The following MMGT1 variants were observed in gnomAD, a reference collection of about 807,000 sequenced individuals.
MMGT1 encodes membrane magnesium transporter 1, also known as ER membrane protein complex subunit 5.
MMGT1 carries 2 observed loss-of-function variants against 11.7 expected under a neutral mutation model. That is an observed-to-expected ratio of 0.17 (90% CI 0.07 to 0.54). MMGT1 has a LOEUF of 0.54. Among genes scored for constraint, MMGT1 ranks in the 20% least tolerant of loss-of-function variants. The pLI is 0.94. For missense variants in MMGT1, 74 were observed against 109.0 expected, an observed-to-expected ratio of 0.68 and a Z score of 1.43; for synonymous variants, 49 against 44.4, an observed-to-expected ratio of 1.10 and a Z score of -0.41.
chrX:135,965,119 A>G lies in MMGT1; in HGVS notation c.301T>C (p.Phe101Leu). 1.7e-5 allele frequency: 20 copies of G among 1,207,936 alleles called. No individual in the cohort carries two copies. Among genetic ancestry groups the G allele is most frequent in the Non-Finnish European group, 1.9e-5 (17 of 891,976 alleles). The change falls in exon 4 of 4, where the codon TTC becomes CTC. Residue 101 changes from phenylalanine (F) to leucine (L), a missense_variant. By Grantham distance (22) the Phe-to-Leu change is conservative. Around this residue, in one of 2 missense-constraint regions of MMGT1, gnomAD observed 34 missense variants for 29.3 expected, o/e 1.16. Transcript: ENST00000305963. Reference sequence around the variant, plus strand: ...GAATTTGCTGTATCCGAAGGCCGGAAAAGTACTCGACCACGATGATTAAAT... The same window carrying G: ...GAATTTGCTGTATCCGAAGGCCGGAGAAGTACTCGACCACGATGATTAAAT... ...YVFNHRGRVLFRPSDTANSSN... is the reference protein window; with the variant it reads ...YVFNHRGRVLLRPSDTANSSN...
chrX:135,969,144 ATG>A (rs10679302), intron 2 of MMGT1, among the ~76,000 whole-genome samples: 75 of 100,926 alleles, frequency 7.4e-4, no homozygotes, highest in African/African-American at 2.4e-3. Flanking sequence ...AAATATGTGT[ATG>A]TGTGTGTGTG....
chrX:135,973,770 A>G lies in MMGT1; in HGVS notation c.-95T>C. On this transcript the variant is annotated 5_prime_UTR_variant, in exon 1 of 4. Coordinates refer to ENST00000305963, the MANE Select transcript of MMGT1 (RefSeq NM_173470.3). ...GGTGTCCGCGCGCCGCAGAAAGATGACGTCACTGAAGTCCTGAGCGCAAAG... is the reference window on the plus strand; with the variant it reads ...GGTGTCCGCGCGCCGCAGAAAGATGGCGTCACTGAAGTCCTGAGCGCAAAG... 8.6e-7 allele frequency: 1 copy of G among 1,165,613 alleles called. No homozygotes were observed. The highest frequency in any genetic ancestry group is 1.9e-5 in the South Asian group (1 of 52,545).
chrX:135,967,853 T>A (rs2089195126), intron 2 of MMGT1, among the ~76,000 whole-genome samples: 1 of 110,983 alleles, frequency 9.0e-6, no homozygotes, highest in Non-Finnish European at 1.9e-5. Context: ...GTTGTTGTTG[T>A]TGTTGTTTGC....
intron 2 of MMGT1, among the ~76,000 whole-genome samples, chrX:135,968,499 T>TTG (rs61012323): frequency 0.012 from 979 of 84,948 alleles, 7 homozygotes; most frequent in East Asian, 0.035. Context: ...CATTATGTCA[T>TTG]TGTGTGTGTG....
At position 135,961,546 on chromosome X, in the gene MMGT1, CCTTT is replaced by C. The variant is rs1248594479; in HGVS notation, c.*3474_*3477del. Among the ~76,000 whole-genome samples, 5 of 111,195 alleles carry C rather than the reference CCTTT, an allele frequency of 4.5e-5. No homozygotes were observed. The highest frequency in any genetic ancestry group is 9.8e-5 in the African/African-American group (3 of 30,574). The stretch of plus-strand genomic sequence containing the variant: ...ACATCATCTTTCTTGCCCCCACTCC[CCTTT>C]CTAAGAACACTTAATTAACAGGTTA... On this transcript the variant is annotated 3_prime_UTR_variant, in exon 4 of 4. Transcript: ENST00000305963.
At chrX:135,971,616 A>G (rs1556612608) in intron 1 of MMGT1, among the ~76,000 whole-genome samples, 1 of 112,337 alleles carries the variant, frequency 8.9e-6, no homozygotes, top group African/African-American at 3.2e-5. Flanking sequence ...GAAAATCTCA[A>G]CTCTGAAATA....
rs782126791 is a variant in MMGT1, at chrX:135,965,068, T to C, written c.352A>G (p.Asn118Asp). Residue 118 changes from asparagine to aspartate, a missense_variant, in exon 4 of 4, where the codon AAC becomes GAC. This residue lies in a region of MMGT1 where 34 missense variants were observed against 29.3 expected (regional missense o/e 1.16). Transcript: ENST00000305963. ...NSSNQDALSS[N>D]TSLKLRKLES... ...AGTTTTCGTAACTTCAATGATGTGTTAGAGGACAATGCATCTTGGTTTGAA... is the reference window on the plus strand; with the variant it reads ...AGTTTTCGTAACTTCAATGATGTGTCAGAGGACAATGCATCTTGGTTTGAA... The C allele has an allele frequency of 1.7e-6, 2 of 1,208,064 alleles. No homozygotes were observed. The highest frequency in any genetic ancestry group is 3.5e-5 in the African/African-American group (2 of 57,123).
At chrX:135,966,605 G>T (rs982829265) in intron 3 of MMGT1, among the ~76,000 whole-genome samples, 13 of 111,079 alleles carry the variant, frequency 1.2e-4, no homozygotes, top group African/African-American at 3.3e-4. Context: ...AAGAAAGAAA[G>T]AAATAAAAAT....
Position 135,962,314 on chromosome X carries a change from T to C in MMGT1, c.*2710A>G, listed in dbSNP as rs2089160207. The C allele has an allele frequency of 1.8e-5, 2 of 111,718 alleles. No homozygotes were observed. The highest frequency in any genetic ancestry group is 7.5e-4 in the South Asian group (2 of 2,656). 9.2% of individuals were successfully genotyped at this position (111,718 alleles called of 1,213,427 possible). A position where few individuals can be genotyped will look rare whatever the true frequency, so the allele number is the denominator to read the frequency against. The stretch of plus-strand genomic sequence containing the variant: ...ACAGAGAATAATCACCTCCAACTCA[T>C]TGATATGCATATTCTGCGGCTGCAC... On this transcript the variant is annotated 3_prime_UTR_variant, in exon 4 of 4. Transcript: ENST00000305963.
intron 2 of MMGT1, among the ~76,000 whole-genome samples, chrX:135,968,706 T>G (rs1753535864): frequency 9.1e-6 from 1 of 110,490 alleles, no homozygotes; most frequent in Non-Finnish European, 1.9e-5. Context: ...GATTTTTGTA[T>G]TTTTAGTAGA....
intron 2 of MMGT1, 121 bp downstream of exon 2, chrX:135,970,937 G>A (rs2089215566): frequency 2.1e-6 from 1 of 480,987 alleles, no homozygotes; most frequent in Non-Finnish European, 3.7e-6. Context: ...AAAGAAAAGT[G>A]GAGATCAGAT....
rs1016340474 is a variant in MMGT1 at position 135,973,976 on chromosome X, G to C, written c.-301C>G. 18 of 1,030,197 alleles carry C rather than the reference G, an allele frequency of 1.7e-5. No homozygotes were observed. The highest frequency in any genetic ancestry group is 5.9e-5 in the Admixed American group (2 of 33,930). 84.9% of individuals were successfully genotyped at this position (1,030,197 alleles called of 1,213,427 possible). A position where few individuals can be genotyped will look rare whatever the true frequency, so the allele number is the denominator to read the frequency against. On this transcript the variant is annotated 5_prime_UTR_variant, in exon 1 of 4. Coordinates refer to ENST00000305963, the MANE Select transcript of MMGT1 (RefSeq NM_173470.3). ...CGAAGAGGCGAAAGCGGGAGCTACG[G>C]GGAAGCGAAGAGGAAGGGCGCCGGC...
At position 135,963,555 on chromosome X, in the gene MMGT1, C is replaced by T. The variant is rs1383846903; in HGVS notation, c.*1469G>A. 8.9e-6 allele frequency: 1 copy of T among 111,817 alleles called. No homozygotes were observed. The highest frequency in any genetic ancestry group is 3.3e-5 in the African/African-American group (1 of 30,727). 9.2% of individuals were successfully genotyped at this position (111,817 alleles called of 1,213,427 possible). A position where few individuals can be genotyped will look rare whatever the true frequency, so the allele number is the denominator to read the frequency against. On this transcript the variant is annotated 3_prime_UTR_variant, in exon 4 of 4. Coordinates refer to ENST00000305963, the MANE Select transcript of MMGT1 (RefSeq NM_173470.3). The stretch of plus-strand genomic sequence containing the variant: ...TCATTAGAGAGCAGAGTCAGTGTTC[C>T]GCAGACAGACTGGGCTGGCGTAACA...
At position 135,973,788 on chromosome X, in the gene MMGT1, G is replaced by C; in HGVS notation, c.-113C>G. ...AAAGATGACGTCACTGAAGTCCTGA[G>C]CGCAAAGTGTCTCAGTGGTGGAAAA... On this transcript the variant is annotated 5_prime_UTR_variant, in exon 1 of 4. Transcript: ENST00000305963. 8.6e-7 allele frequency: 1 copy of C among 1,165,360 alleles called. No individual in the cohort carries two copies.
In MMGT1 at chrX:135,961,489, T is replaced by C. The variant is rs1386099832; in HGVS notation, c.*3535A>G. On this transcript the variant is annotated 3_prime_UTR_variant, in exon 4 of 4. Transcript: ENST00000305963. ...GGAAGGGACCAAGTTTTTATACCTTTCTGTACCATCTGATCTTTTCGCCAT... is the reference window on the plus strand; with the variant it reads ...GGAAGGGACCAAGTTTTTATACCTTCCTGTACCATCTGATCTTTTCGCCAT... Among the ~76,000 whole-genome samples the C allele has an allele frequency of 9.0e-6, 1 of 111,550 alleles. No homozygotes were observed. The highest frequency in any genetic ancestry group is 1.9e-5 in the Non-Finnish European group (1 of 53,075).
intron 1 of MMGT1, among the ~76,000 whole-genome samples, chrX:135,972,915 T>C (rs1400627299): frequency 8.9e-6 from 1 of 112,021 alleles, no homozygotes; most frequent in Non-Finnish European, 1.9e-5. Context: ...TATATACTTT[T>C]AGCATATCAC....
Position 135,962,004 on chromosome X carries a change from G to C in MMGT1, c.*3020C>G, listed in dbSNP as rs1408148656. 9.2e-6 allele frequency: 1 copy of C among 108,791 alleles called. No individual in the cohort carries two copies. The highest frequency in any genetic ancestry group is 1.9e-5 in the Non-Finnish European group (1 of 52,420). The allele number at this position is 108,791 out of a possible 1,213,427, so 9.0% of individuals were successfully genotyped here. ...AAAATTAGCTCTTACATTTTTCTGG[G>C]GACAGAAAAGCAGAAGAAATGAGAT... is the stretch of plus-strand genomic sequence containing the variant. On this transcript the variant is annotated 3_prime_UTR_variant, in exon 4 of 4. Transcript: ENST00000305963.
intron 2 of MMGT1, among the ~76,000 whole-genome samples, chrX:135,969,432 C>T (rs1368805742): frequency 1.8e-5 from 2 of 111,202 alleles, no homozygotes; most frequent in Non-Finnish European, 3.8e-5. Flanking sequence ...CTTTGCCTCT[C>T]GGGTTCAAGT....
rs187013546 is a variant in MMGT1 at position 135,963,782 on chromosome X, T to C, written c.*1242A>G. On this transcript the variant is annotated 3_prime_UTR_variant, in exon 4 of 4. Transcript: ENST00000305963. ...TACAGTTATTCCCTTTTTACACCTA[T>C]ACAATTCAACAAAAGCAATGTTTTT... 1,136 of 112,359 alleles carry C rather than the reference T, an allele frequency of 0.01. 33 individuals are homozygous for C. The highest frequency in any genetic ancestry group is 0.085 in the Admixed American group (892 of 10,539). 9.3% of individuals were successfully genotyped at this position (112,359 alleles called of 1,213,427 possible). A position where few individuals can be genotyped will look rare whatever the true frequency, so the allele number is the denominator to read the frequency against.
Sources: gnomAD v4.1 joint callset for allele counts (sites outside exome capture counted in the v4.1 genomes callset) on GRCh38, gnomAD v4.1.1 for gene constraint, gnomAD v4.1.1 regional missense constraint, MANE v1.5 for transcripts, NCBI Gene and HGNC (gene_info 2026-07-23, HGNC 2026-07-21) for gene names.